Variants in ASIC2 observed in about 807,000 individuals in gnomAD.
The protein encoded by ASIC2 is acid-sensing ion channel 2.
ASIC2 carries 25 observed loss-of-function variants against 57.3 expected under a neutral mutation model. The ratio of observed to expected loss-of-function variants is 0.44; its 90% CI spans 0.32 to 0.61. The LOEUF (loss-of-function observed/expected upper bound fraction) is 0.61, where lower values mean the gene tolerates loss of function less well. ASIC2 is among the 20% of genes least tolerant of loss of function. The pLI is 0.06. For missense variants in ASIC2, 641 were observed against 738.1 expected, an observed-to-expected ratio of 0.87 and a Z score of 1.52; for synonymous variants, 319 against 307.5, an observed-to-expected ratio of 1.04 and a Z score of -0.39.
intron 1 of ASIC2, among the ~76,000 whole-genome samples, chr17:33,852,577 C>T (rs773436293): frequency 7.2e-5 from 11 of 152,094 alleles, no homozygotes; most frequent in Non-Finnish European, 1.3e-4. Flanking sequence ...GCCTAGAAAC[C>T]GAAATATGAC....
chr17:33,138,571 G>A (rs2092375042), intron 1 of ASIC2, among the ~76,000 whole-genome samples: 1 of 152,120 alleles, frequency 6.6e-6, no homozygotes, highest in African/African-American at 2.4e-5. Context: ...TTTTTGATGA[G>A]GAAATAATCC....
intron 1 of ASIC2, among the ~76,000 whole-genome samples, chr17:33,495,379 G>A: frequency 6.6e-6 from 1 of 152,210 alleles, no homozygotes; most frequent in East Asian, 1.9e-4. Context: ...AAGAAGCCAT[G>A]TCCAAGTGCC....
chr17:33,897,439 C>T (rs902846415), intron 1 of ASIC2, among the ~76,000 whole-genome samples: 12 of 152,188 alleles, frequency 7.9e-5, no homozygotes, highest in African/African-American at 2.4e-4. Context: ...CTTTGTGCAC[C>T]CATAACATAG....
chr17:33,174,921 C>CT (rs1905683549), intron 1 of ASIC2, among the ~76,000 whole-genome samples: 1 of 152,176 alleles, frequency 6.6e-6, no homozygotes, highest in Admixed American at 6.5e-5. Context: ...CAGCCACCAG[C>CT]TACCCTACTG....
At chr17:33,852,995 G>A (rs1038794) in intron 1 of ASIC2, among the ~76,000 whole-genome samples, 12,582 of 151,906 alleles carry the variant, frequency 0.083, 801 homozygotes, top group East Asian at 0.31. Flanking sequence ...TTTCCCCCCC[G>A]TCATAGACAG....
intron 1 of ASIC2, among the ~76,000 whole-genome samples, chr17:33,579,771 A>C (rs1904352416): frequency 6.6e-6 from 1 of 152,170 alleles, no homozygotes; most frequent in Non-Finnish European, 1.5e-5. Flanking sequence ...CATTCAGAAG[A>C]GCAAAAGAAC....
intron 1 of ASIC2, among the ~76,000 whole-genome samples, chr17:33,340,830 A>G (rs1304707418): frequency 6.6e-6 from 1 of 152,108 alleles, no homozygotes; most frequent in Non-Finnish European, 1.5e-5. Flanking sequence ...TGGATATGCC[A>G]GGGCTAGTAT....
intron 1 of ASIC2, among the ~76,000 whole-genome samples, chr17:33,164,059 A>G (rs1905236467): frequency 6.6e-6 from 1 of 152,166 alleles, no homozygotes; most frequent in Non-Finnish European, 1.5e-5. Context: ...CACAATTATG[A>G]TCCCAAAGCA....
intron 1 of ASIC2, among the ~76,000 whole-genome samples, chr17:33,374,434 A>G (rs1375406522): frequency 6.6e-6 from 1 of 152,100 alleles, no homozygotes; most frequent in Non-Finnish European, 1.5e-5. Flanking sequence ...CCACACCCCT[A>G]TGATTTCATC....
chr17:33,797,965 G>T (rs1449409259), intron 1 of ASIC2, among the ~76,000 whole-genome samples: 1 of 152,154 alleles, frequency 6.6e-6, no homozygotes, highest in Non-Finnish European at 1.5e-5. Flanking sequence ...GGCGAGAGAG[G>T]GATCATCGCA....
intron 1 of ASIC2, among the ~76,000 whole-genome samples, chr17:33,522,719 G>A (rs1410023746): frequency 6.6e-6 from 1 of 152,136 alleles, no homozygotes; most frequent in East Asian, 1.9e-4. Context: ...TTATAACTTT[G>A]AAAATCCAAG....
At chr17:33,388,443 CA>C (rs976035253) in intron 1 of ASIC2, among the ~76,000 whole-genome samples, 4 of 152,212 alleles carry the variant, frequency 2.6e-5, no homozygotes, top group African/African-American at 9.6e-5. Context: ...GTGATCTGAT[CA>C]AAGTACACCC....
chr17:33,020,846 T>C (rs1299161613), intron 7 of ASIC2, among the ~76,000 whole-genome samples: 8 of 152,122 alleles, frequency 5.3e-5, no homozygotes, highest in Non-Finnish European at 7.4e-5. Context: ...TCTCTCCTTC[T>C]GATACCTCTG....
chr17:33,889,189 A>G (rs906985661), intron 1 of ASIC2, among the ~76,000 whole-genome samples: 3 of 152,170 alleles, frequency 2.0e-5, no homozygotes, highest in Non-Finnish European at 2.9e-5. Flanking sequence ...AGACTGATAA[A>G]TTTTCAGAGC....
In ASIC2 at chr17:33,196,691, C is replaced by G. The variant is rs145357321; in HGVS notation, c.709-84624G>C. ...CCTCATGTCAGGAACAGCTCAAGTA[C>G]TAGGCATTCCCCTCTGGGCTTGAGA... On this transcript the variant is annotated intron_variant, in intron 1 of 9. Transcript: ENST00000225823. Among the ~76,000 whole-genome samples, 366 of 152,316 alleles carry G rather than the reference C, an allele frequency of 2.4e-3. 2 individuals are homozygous for G. Among genetic ancestry groups the G allele is most frequent in the East Asian group, 1.4e-3 (7 of 5,184 alleles).
At chr17:33,991,161 G>C (rs1446462475) in intron 1 of ASIC2, among the ~76,000 whole-genome samples, 6 of 152,150 alleles carry the variant, frequency 3.9e-5, no homozygotes, top group Non-Finnish European at 7.4e-5. Flanking sequence ...TGACATGTGA[G>C]AAGAAAAATA....
chr17:33,261,590 A>G (rs1160574800), intron 1 of ASIC2, among the ~76,000 whole-genome samples: 2 of 152,190 alleles, frequency 1.3e-5, no homozygotes, highest in African/African-American at 2.4e-5. Flanking sequence ...CAGTAATCAT[A>G]ACAGCTGAGA....
intron 1 of ASIC2, among the ~76,000 whole-genome samples, chr17:34,105,108 A>AT (rs1486909572): frequency 6.6e-6 from 1 of 151,858 alleles, no homozygotes; most frequent in African/African-American, 2.4e-5. Flanking sequence ...TAAAAATTCA[A>AT]TTTTTTTCAT....
At chr17:33,855,955 A>G (rs1290408548) in intron 1 of ASIC2, among the ~76,000 whole-genome samples, 1 of 152,206 alleles carries the variant, frequency 6.6e-6, no homozygotes, top group African/African-American at 2.4e-5. Flanking sequence ...AAAAATGATA[A>G]GGTCCTTACT....
Sources: gnomAD v4.1 joint callset for allele counts (sites outside exome capture counted in the v4.1 genomes callset) on GRCh38, gnomAD v4.1.1 for gene constraint, MANE v1.5 for transcripts, NCBI Gene and HGNC (gene_info 2026-07-23, HGNC 2026-07-21) for gene names.